Variants in APBB1IP observed in about 807,000 individuals in gnomAD.
The protein encoded by APBB1IP is amyloid beta precursor protein binding family B member 1 interacting protein, also known as amyloid beta A4 precursor protein-binding family B member 1-interacting protein.
In APBB1IP, 27 loss-of-function variants were observed where a neutral mutation model predicts 64.9. The ratio of observed to expected loss-of-function variants is 0.42; its 90% CI spans 0.31 to 0.57. APBB1IP has a LOEUF of 0.57. APBB1IP is among the 20% of genes least tolerant of loss of function. APBB1IP has a pLI of 0.20. For missense variants in APBB1IP, 812 were observed against 845.5 expected (o/e 0.96, Z 0.49); for synonymous variants, 392 against 331.0 (o/e 1.18, Z -2.00).
In APBB1IP at chr10:26,567,543, G is replaced by A; in HGVS notation, c.*55G>A. Reference sequence around the variant, plus strand: ...GAAGCATCGCTGACCCCGAGCGCAGGTTTTGCTAGCAGATTGCCCTGACAT... The same window carrying A: ...GAAGCATCGCTGACCCCGAGCGCAGATTTTGCTAGCAGATTGCCCTGACAT... On this transcript the variant is annotated 3_prime_UTR_variant, in exon 15 of 15. Transcript: ENST00000376236. The A allele has an allele frequency of 1.3e-6, 2 of 1,511,056 alleles. No homozygotes were observed. Among genetic ancestry groups the A allele is most frequent in the Non-Finnish European group, 1.8e-6 (2 of 1,113,624 alleles). The allele number at this position is 1,511,056 out of a possible 1,614,324, so 93.6% of individuals were successfully genotyped here.
intron 3 of APBB1IP, 131 bp from the exon 4 acceptor site, chr10:26,496,173 A>G (rs1239125220): frequency 1.8e-6 from 1 of 567,900 alleles, no homozygotes. Flanking sequence ...TCAAGTTACC[A>G]TATGGTTTTC....
At position 26,512,746 on chromosome 10, in the gene APBB1IP, A is replaced by G. The variant is rs79545592; in HGVS notation, c.692-793A>G. Among the ~76,000 whole-genome samples the G allele has an allele frequency of 4.0e-3, 613 of 152,236 alleles. 6 individuals are homozygous for G. The highest frequency in any genetic ancestry group is 0.014 in the African/African-American group (567 of 41,534). ...CTCTGCATCCCGAGTAGCTGGGACT[A>G]TAGGCACACATCATCATATTTCTCA... is the stretch of plus-strand genomic sequence containing the variant. On this transcript the variant is annotated intron_variant, in intron 7 of 14. Transcript: ENST00000376236.
In APBB1IP at chr10:26,451,540, C is replaced by T. The variant is rs554884872; in HGVS notation, c.-1+12687C>T. Among the ~76,000 whole-genome samples, 25 of 152,208 alleles carry T rather than the reference C, an allele frequency of 1.6e-4. 1 individual carries two copies. The highest frequency in any genetic ancestry group is 5.2e-4 in the Admixed American group (8 of 15,280). ...ATGCGTTCTGCTTTTGCCATTTGGA[C>T]GTCCAGAATCACATCTGTGGCCAAA... On this transcript the variant is annotated intron_variant, in intron 2 of 14. Coordinates refer to ENST00000376236, the MANE Select transcript of APBB1IP (RefSeq NM_019043.4).
rs1397553215 is a variant in APBB1IP at position 26,438,472 on chromosome 10, C to A, written c.-203+17C>A. 2.1e-5 allele frequency: 1 copy of A among 47,730 alleles called. No individual in the cohort carries two copies. The highest frequency in any genetic ancestry group is 6.8e-5 in the African/African-American group (1 of 14,776). 3.0% of individuals were successfully genotyped at this position (47,730 alleles called of 1,614,324 possible). ...GCGGCACAGGTAGGGGGAGGCGCAACGTTTCCCAGAATTAAAATAAAATAA... is the reference window on the plus strand; with the variant it reads ...GCGGCACAGGTAGGGGGAGGCGCAAAGTTTCCCAGAATTAAAATAAAATAA... On this transcript the variant is annotated intron_variant, in intron 1 of 14. Transcript: ENST00000376236.
chr10:26,456,425 G>A (rs760321810), intron 2 of APBB1IP, among the ~76,000 whole-genome samples: 2 of 152,022 alleles, frequency 1.3e-5, no homozygotes, highest in Non-Finnish European at 2.9e-5. Flanking sequence ...AGGTTGGAGG[G>A]GTTGATGCGG....
At chr10:26,561,291 A>G (rs1405256944) in intron 13 of APBB1IP, among the ~76,000 whole-genome samples, 13 of 148,914 alleles carry the variant, frequency 8.7e-5, no homozygotes, top group Admixed American at 6.0e-4. Context: ...GGTGGTCTTG[A>G]TCTCCTGACC....
At chr10:26,473,678 T>A (rs1244950186) in intron 2 of APBB1IP, among the ~76,000 whole-genome samples, 1 of 152,184 alleles carries the variant, frequency 6.6e-6, no homozygotes, top group East Asian at 1.9e-4. Context: ...GTGTGAACCA[T>A]CATGATTTCA....
At chr10:26,534,682 A>AC (rs1036846135) in intron 9 of APBB1IP, among the ~76,000 whole-genome samples, 6 of 151,958 alleles carry the variant, frequency 3.9e-5, no homozygotes, top group African/African-American at 1.5e-4. Context: ...ACCAGCTGCC[A>AC]CCCCCCAGAT....
intron 13 of APBB1IP, 169 bp from the exon 14 acceptor site, chr10:26,562,157 G>T (rs1836981109): frequency 9.9e-5 from 55 of 553,558 alleles, no homozygotes; most frequent in South Asian, 9.8e-4. Flanking sequence ...TGCCATGCCT[G>T]TGAGTTGCTC....
At chr10:26,474,313 T>C (rs1255470769) in intron 2 of APBB1IP, among the ~76,000 whole-genome samples, 1 of 152,196 alleles carries the variant, frequency 6.6e-6, no homozygotes, top group Non-Finnish European at 1.5e-5. Context: ...TTTTCATTAC[T>C]CCAGTAATAA....
At chr10:26,558,158 C>CAT (rs1836918098) in intron 11 of APBB1IP, among the ~76,000 whole-genome samples, 2 of 151,774 alleles carry the variant, frequency 1.3e-5, no homozygotes, top group African/African-American at 4.8e-5. Flanking sequence ...CACACACACA[C>CAT]ACACACACAC....
chr10:26,567,189 C>T lies in APBB1IP; in HGVS notation c.1702C>T (p.Leu568Phe), dbSNP rs925580313. 1.4e-4 allele frequency: 198 copies of T among 1,408,088 alleles called. No homozygotes were observed. The highest frequency in any genetic ancestry group is 1.4e-4 in the Non-Finnish European group (157 of 1,085,540). The allele number at this position is 1,408,088 out of a possible 1,614,324, so 87.2% of individuals were successfully genotyped here. ...PPPPPLDDPE[L>F]PPPPPDFMEP... ...GCCGCCGCCCCTCGATGACCCTGAG[C>T]TCCCGCCGCCGCCCCCGGACTTCAT... The change falls in exon 15 of 15, where the codon CTC (leucine) becomes TTC (phenylalanine). Residue 568 changes from leucine (L) to phenylalanine (F), a missense_variant. Physicochemically the swap from Leu to Phe is conservative, Grantham distance 22. Around this residue, in one of 3 missense-constraint regions of APBB1IP, gnomAD observed 381 missense variants for 352.1 expected, o/e 1.08. Coordinates refer to ENST00000376236, the MANE Select transcript of APBB1IP (RefSeq NM_019043.4).
At chr10:26,455,526 A>G (rs1835514484) in intron 2 of APBB1IP, among the ~76,000 whole-genome samples, 1 of 151,044 alleles carries the variant, frequency 6.6e-6, no homozygotes, top group Non-Finnish European at 1.5e-5. Context: ...AAAAAAAAAA[A>G]GAATAATAAT....
intron 8 of APBB1IP, among the ~76,000 whole-genome samples, chr10:26,529,040 G>T (rs1426481896): frequency 2.0e-5 from 3 of 152,188 alleles, no homozygotes; most frequent in Non-Finnish European, 2.9e-5. Flanking sequence ...ATTCCAAGAA[G>T]ATTTTTAAAA....
rs1174567111 is a variant in APBB1IP, at chr10:26,514,038, A to AT, written c.813+386dup. ...CGTGAGCCACTGCGCCCAGCCAAGG[A>AT]TTTTTTTTAATGTCACCTGTATACT... On this transcript the variant is annotated intron_variant, in intron 8 of 14. Transcript: ENST00000376236. Among the ~76,000 whole-genome samples, 158 of 152,100 alleles carry AT rather than the reference A, an allele frequency of 1.0e-3. 2 individuals carry two copies. Among genetic ancestry groups the AT allele is most frequent in the Non-Finnish European group, 1.8e-4 (12 of 67,962 alleles).
intron 2 of APBB1IP, among the ~76,000 whole-genome samples, chr10:26,454,658 C>T (rs1418305790): frequency 6.6e-6 from 1 of 151,952 alleles, no homozygotes; most frequent in Non-Finnish European, 1.5e-5. Flanking sequence ...TTTGCTAGCA[C>T]AACAGCATGA....
chr10:26,532,569 A>C (rs1836567827), intron 8 of APBB1IP, among the ~76,000 whole-genome samples: 1 of 151,708 alleles, frequency 6.6e-6, no homozygotes, highest in East Asian at 1.9e-4. Context: ...GCAGCCTCAA[A>C]CTCCTGGGCT....
intron 10 of APBB1IP, among the ~76,000 whole-genome samples, chr10:26,539,269 G>T (rs1271524978): frequency 6.6e-6 from 1 of 152,016 alleles, no homozygotes; most frequent in Non-Finnish European, 1.5e-5. Flanking sequence ...AAAAATTAGT[G>T]GGGATGGTGG....
chr10:26,495,233 C>T (rs1450910086), intron 3 of APBB1IP, among the ~76,000 whole-genome samples: 1 of 151,798 alleles, frequency 6.6e-6, no homozygotes, highest in Non-Finnish European at 1.5e-5. Context: ...GTCTCTATCT[C>T]CTGATGTTGT....
Sources: allele counts gnomAD v4.1 joint callset (sites outside exome capture counted in the v4.1 genomes callset), GRCh38; gene constraint gnomAD v4.1.1; regional missense constraint gnomAD v4.1.1; transcripts MANE v1.5; gene names NCBI Gene and HGNC (gene_info 2026-07-23, HGNC 2026-07-21).